Variants in ERBB4 observed in about 807,000 individuals in gnomAD.
The protein encoded by ERBB4 is erb-b2 receptor tyrosine kinase 4.
ERBB4 carries 42 observed loss-of-function variants against 158.0 expected under a neutral mutation model. The observed-to-expected ratio is 0.27, with a 90% confidence interval of 0.21 to 0.34. The LOEUF is 0.34. Among genes scored for constraint, ERBB4 ranks in the 10% least tolerant of loss-of-function variants. The pLI is 1.00. For missense variants in ERBB4, 1,333 were observed against 1,624.1 expected (o/e 0.82, Z 3.08); for synonymous variants, 583 against 558.7 (o/e 1.04, Z -0.61).
chr2:211,463,489 T>C (rs2064591573), intron 20 of ERBB4, among the ~76,000 whole-genome samples: 1 of 152,186 alleles, frequency 6.6e-6, no homozygotes, highest in Non-Finnish European at 1.5e-5. Context: ...TAACTGGAAG[T>C]GGGCCTCATT....
chr2:212,443,442 G>A (rs2105985884), intron 1 of ERBB4, among the ~76,000 whole-genome samples: 1 of 152,324 alleles, frequency 6.6e-6, no homozygotes, highest in East Asian at 1.9e-4. Context: ...GAGTCCTGTT[G>A]AGACATTCCT....
intron 1 of ERBB4, among the ~76,000 whole-genome samples, chr2:212,298,080 T>C (rs2086480491): frequency 6.6e-6 from 1 of 151,842 alleles, no homozygotes; most frequent in Non-Finnish European, 1.5e-5. Flanking sequence ...CTTACTACAA[T>C]TTGTTTTCAC....
intron 20 of ERBB4, among the ~76,000 whole-genome samples, chr2:211,509,156 G>T (rs561813167): frequency 2.8e-5 from 1 of 35,514 alleles, no homozygotes; most frequent in Non-Finnish European, 7.3e-5. Flanking sequence ...ACACAGGGAG[G>T]GGGGAGTATC....
chr2:211,861,009 T>TATATATTTATATATATATAAATATA (rs1426071482), intron 3 of ERBB4, among the ~76,000 whole-genome samples: 2 of 19,056 alleles, frequency 1.0e-4, no homozygotes, highest in South Asian at 1.9e-3. Context: ...ATTATATATT[T>TATATATTTATATATATATAAATATA]ATATATTTAT....
chr2:211,927,250 T>G (rs890209583), intron 3 of ERBB4, among the ~76,000 whole-genome samples: 1 of 152,194 alleles, frequency 6.6e-6, no homozygotes, highest in Non-Finnish European at 1.5e-5. Context: ...GACTTATTGG[T>G]TAAAACATAG....
chr2:212,148,054 G>A (rs1274221291), intron 1 of ERBB4, among the ~76,000 whole-genome samples: 1 of 151,742 alleles, frequency 6.6e-6, no homozygotes, highest in Non-Finnish European at 1.5e-5. Context: ...ATTTATTAAT[G>A]AACAATATGT....
intron 2 of ERBB4, among the ~76,000 whole-genome samples, chr2:212,105,005 C>A (rs934978036): frequency 6.9e-6 from 1 of 145,556 alleles, no homozygotes; most frequent in Non-Finnish European, 1.5e-5. Flanking sequence ...ACATCAACGT[C>A]CTTTCTCTTT....
chr2:211,974,822 G>C (rs1048536192), intron 2 of ERBB4, among the ~76,000 whole-genome samples: 15 of 152,248 alleles, frequency 9.9e-5, no homozygotes, highest in Admixed American at 5.2e-4. Context: ...TTTAATGTTT[G>C]CTCATCTAAA....
intron 19 of ERBB4, among the ~76,000 whole-genome samples, chr2:211,590,433 G>T (rs146889897): frequency 1.3e-5 from 2 of 152,138 alleles, no homozygotes; most frequent in Non-Finnish European, 1.5e-5. Context: ...CTGCTCCTAA[G>T]ATCAGTGCCT....
intron 2 of ERBB4, among the ~76,000 whole-genome samples, chr2:212,058,272 A>C (rs2077644113): frequency 6.6e-6 from 1 of 152,230 alleles, no homozygotes; most frequent in Non-Finnish European, 1.5e-5. Flanking sequence ...GACCCATAAC[A>C]GGCTCTGAAA....
intron 4 of ERBB4, among the ~76,000 whole-genome samples, chr2:211,772,965 T>TTTTAAAGATGGGGTCCTACTC (rs2075755198): frequency 7.5e-6 from 1 of 133,246 alleles, no homozygotes; most frequent in Non-Finnish European, 1.6e-5. Context: ...ATTTTTTTTT[T>TTTTAAAGATGGGGTCCTACTC]TAAAGATGGG....
At chr2:211,763,301 C>A (rs1202164965) in intron 4 of ERBB4, among the ~76,000 whole-genome samples, 1 of 152,200 alleles carries the variant, frequency 6.6e-6, no homozygotes, top group East Asian at 1.9e-4. Context: ...GTGTTTTCAT[C>A]TGGCTTCCAC....
chr2:212,113,517 T>C (rs1307318869), intron 2 of ERBB4, among the ~76,000 whole-genome samples: 1 of 135,934 alleles, frequency 7.4e-6, no homozygotes, highest in Non-Finnish European at 1.5e-5. Context: ...GAGCTTGCAG[T>C]GAGCCGAGAT....
At chr2:212,142,029 T>C (rs1437975468) in intron 1 of ERBB4, among the ~76,000 whole-genome samples, 2 of 152,146 alleles carry the variant, frequency 1.3e-5, no homozygotes, top group Admixed American at 1.3e-4. Context: ...TCTCCTAGGA[T>C]GTTTCACTTA....
rs983811599 is a variant in ERBB4 at position 211,911,205 on chromosome 2, T to G, written c.421+36225A>C. On this transcript the variant is annotated intron_variant, in intron 3 of 27. Coordinates refer to ENST00000342788, the MANE Select transcript of ERBB4 (RefSeq NM_005235.3). Reference sequence around the variant, plus strand: ...ATTAATTTGAAGAGCCCGACAGTCTTTTTTAAAAGTTGGCTTAATTTCTCT... The same window carrying G: ...ATTAATTTGAAGAGCCCGACAGTCTGTTTTAAAAGTTGGCTTAATTTCTCT... Among the ~76,000 whole-genome samples the G allele has an allele frequency of 3.9e-4, 59 of 152,304 alleles. 1 individual carries two copies. Among genetic ancestry groups the G allele is most frequent in the Admixed American group, 2.7e-3 (41 of 15,296 alleles).
chr2:211,842,143 T>C (rs908823053), intron 3 of ERBB4, among the ~76,000 whole-genome samples: 5 of 152,024 alleles, frequency 3.3e-5, no homozygotes, highest in African/African-American at 7.2e-5. Context: ...AAGTTAGTAA[T>C]TAAAACAAGG....
intron 1 of ERBB4, among the ~76,000 whole-genome samples, chr2:212,157,597 A>G (rs2081079788): frequency 6.6e-6 from 1 of 152,118 alleles, no homozygotes; most frequent in Admixed American, 6.6e-5. Context: ...AAGAAAATTA[A>G]TTCTGTATCT....
At chr2:211,696,605 G>T (rs1032353915) in intron 12 of ERBB4, among the ~76,000 whole-genome samples, 2 of 152,032 alleles carry the variant, frequency 1.3e-5, no homozygotes, top group Non-Finnish European at 2.9e-5. Flanking sequence ...GTTATATAGG[G>T]TATACTTCAG....
intron 16 of ERBB4, among the ~76,000 whole-genome samples, chr2:211,647,688 C>T (rs1360676674): frequency 6.6e-6 from 1 of 151,690 alleles, no homozygotes; most frequent in African/African-American, 2.4e-5. Flanking sequence ...CACTTCTCTC[C>T]ATTCACTCGA....
Sources: allele counts gnomAD v4.1 joint callset (sites outside exome capture counted in the v4.1 genomes callset), GRCh38; gene constraint gnomAD v4.1.1; transcripts MANE v1.5; gene names NCBI Gene and HGNC (gene_info 2026-07-23, HGNC 2026-07-21).